Variants in RORA observed in about 807,000 individuals in gnomAD.
The protein encoded by RORA is nuclear receptor ROR-alpha.
Under a neutral mutation model 69.5 loss-of-function variants are expected in RORA, and 7 were observed. That is an observed-to-expected ratio of 0.10 (90% confidence interval 0.06 to 0.19). The LOEUF is 0.19. Ranked by LOEUF, RORA falls within the 10% of genes least tolerant of loss-of-function variation. The pLI, the probability that RORA is intolerant of heterozygous loss-of-function variation, is 1.00. For synonymous variants in RORA, 261 were observed against 240.8 expected, an observed-to-expected ratio of 1.08 and a Z score of -0.78; for missense variants, 457 against 663.0, an observed-to-expected ratio of 0.69 and a Z score of 3.41.
intron 1 of RORA, among the ~76,000 whole-genome samples, chr15:60,903,931 G>A (rs745671137): frequency 7.9e-5 from 12 of 152,038 alleles, no homozygotes; most frequent in African/African-American, 1.2e-4. Context: ...ATTCATATAC[G>A]ACGTATAAAG....
At chr15:60,758,474 C>A (rs1203149417) in intron 1 of RORA, among the ~76,000 whole-genome samples, 1 of 152,144 alleles carries the variant, frequency 6.6e-6, no homozygotes, top group Admixed American at 6.6e-5. Context: ...TTTATTTACA[C>A]CTAGGATGTC....
chr15:60,621,869 G>A (rs1021960233), intron 2 of RORA, among the ~76,000 whole-genome samples: 1 of 151,914 alleles, frequency 6.6e-6, no homozygotes, highest in African/African-American at 2.4e-5. Flanking sequence ...CCAATACGGT[G>A]AAAACTCATC....
At chr15:61,032,800 A>T (rs143480870) in intron 1 of RORA, among the ~76,000 whole-genome samples, 1 of 152,296 alleles carries the variant, frequency 6.6e-6, no homozygotes, top group Non-Finnish European at 1.5e-5. Flanking sequence ...AGTACAGGGG[A>T]TCCTTCTGCA....
intron 1 of RORA, among the ~76,000 whole-genome samples, chr15:60,941,075 C>A (rs1031099820): frequency 9.2e-5 from 14 of 152,196 alleles, no homozygotes; most frequent in East Asian, 1.9e-4. Flanking sequence ...AAGTTATACT[C>A]ATTAGACAAA....
intron 3 of RORA, among the ~76,000 whole-genome samples, chr15:60,523,840 T>A (rs1003808001): frequency 6.6e-6 from 1 of 152,136 alleles, no homozygotes; most frequent in African/African-American, 2.4e-5. Context: ...CCTGGCTAAT[T>A]TTTAAATTTT....
intron 1 of RORA, among the ~76,000 whole-genome samples, chr15:61,196,731 T>C (rs1268179453): frequency 6.6e-6 from 1 of 152,208 alleles, no homozygotes; most frequent in Non-Finnish European, 1.5e-5. Context: ...ATTAAGATAT[T>C]TAAAAAGTCA....
intron 1 of RORA, among the ~76,000 whole-genome samples, chr15:61,049,499 G>A (rs1468624348): frequency 1.3e-5 from 2 of 152,084 alleles, no homozygotes; most frequent in South Asian, 4.2e-4. Flanking sequence ...GTGGACTTTT[G>A]TGAGTCAACA....
At chr15:60,550,180 A>G (rs1595957848) in intron 2 of RORA, among the ~76,000 whole-genome samples, 1 of 152,292 alleles carries the variant, frequency 6.6e-6, no homozygotes, top group Non-Finnish European at 1.5e-5. Context: ...AATCCCAGCT[A>G]CTCGGGAGGC....
chr15:60,785,793 T>C (rs909409892), intron 1 of RORA, among the ~76,000 whole-genome samples: 3 of 152,234 alleles, frequency 2.0e-5, no homozygotes, highest in African/African-American at 7.2e-5. Context: ...CCCCTCCATA[T>C]TGAGGCTAAA....
rs776716227 is a variant in RORA, at chr15:60,511,534, T to A, written c.512A>T (p.Asp171Val). ...QKHRMQQQQR[D>V]HQQQPGEAEP... ...AGCCTCTCCAGGCTGCTGCTGGTGG[T>A]CGCGCTGCTGCTGCTGCATCCGGTG... The change falls in exon 5 of 11, where the codon GAC (aspartate) becomes GTC (valine). Residue 171 changes from aspartate to valine, a missense_variant. Transcript: ENST00000335670. The surrounding 1 kb of genome is among the most constrained non-coding windows in gnomAD (Gnocchi z 6.4). 1 of 1,614,196 alleles carries A rather than the reference T, an allele frequency of 6.2e-7. No homozygotes were observed. Among genetic ancestry groups the A allele is most frequent in the South Asian group, 1.1e-5 (1 of 91,082 alleles).
intron 1 of RORA, among the ~76,000 whole-genome samples, chr15:61,219,614 G>C (rs1321585063): frequency 6.6e-6 from 1 of 152,024 alleles, no homozygotes; most frequent in Non-Finnish European, 1.5e-5. Flanking sequence ...TTCGAACTTT[G>C]GAGGATCCTG....
chr15:60,784,445 A>G (rs1256322171), intron 1 of RORA, among the ~76,000 whole-genome samples: 6 of 152,122 alleles, frequency 3.9e-5, no homozygotes, highest in Admixed American at 1.3e-4. Context: ...TGGCATTTCA[A>G]ACTGTGCTGC....
chr15:61,116,000 G>C (rs1334928596), intron 1 of RORA, among the ~76,000 whole-genome samples: 1 of 152,130 alleles, frequency 6.6e-6, no homozygotes, highest in Non-Finnish European at 1.5e-5. Flanking sequence ...TCCACCATTA[G>C]TGAAACACTG....
At chr15:61,124,849 C>A (rs919490570) in intron 1 of RORA, among the ~76,000 whole-genome samples, 1 of 152,238 alleles carries the variant, frequency 6.6e-6, no homozygotes, top group East Asian at 1.9e-4. Context: ...ACCTTCCACT[C>A]TGACCTCACA....
intron 2 of RORA, among the ~76,000 whole-genome samples, chr15:60,570,738 G>A (rs533966185): frequency 3.1e-4 from 47 of 152,212 alleles, no homozygotes; most frequent in East Asian, 1.2e-3. Context: ...CACAGGTGCC[G>A]TCATAGATTC....
intron 10 of RORA, 40 bp from the exon 11 acceptor site, chr15:60,497,659 G>A: frequency 6.6e-7 from 1 of 1,524,046 alleles, no homozygotes. Context: ...GGCAAGAACA[G>A]GCATAAGCAT....
chr15:60,841,080 C>G, intron 1 of RORA: 1 of 985,164 alleles, frequency 1.0e-6, no homozygotes. Flanking sequence ...CAAATGTTGA[C>G]TGACTCCCCG....
intron 2 of RORA, among the ~76,000 whole-genome samples, chr15:60,631,513 A>G (rs1295689407): frequency 6.6e-6 from 1 of 152,208 alleles, no homozygotes; most frequent in Admixed American, 6.5e-5. Flanking sequence ...GTAGGTGGAA[A>G]GTAATTTCCC....
intron 3 of RORA, among the ~76,000 whole-genome samples, chr15:60,521,433 G>C (rs1156597122): frequency 6.6e-6 from 1 of 151,844 alleles, no homozygotes; most frequent in African/African-American, 2.4e-5. Context: ...GTAGAGACAG[G>C]GTTTCACCAT....
Sources: allele counts gnomAD v4.1 joint callset (sites outside exome capture counted in the v4.1 genomes callset), GRCh38; gene constraint gnomAD v4.1.1; non-coding constraint Gnocchi (gnomAD v3.1); transcripts MANE v1.5; gene names NCBI Gene and HGNC (gene_info 2026-07-23, HGNC 2026-07-21).